Variants in SLC45A4 observed in about 807,000 individuals in gnomAD.
SLC45A4 encodes polyamine-transporter SLC45A4.
SLC45A4 carries 32 observed loss-of-function variants against 63.7 expected under a neutral mutation model. The ratio of observed to expected loss-of-function variants is 0.50; its 90% confidence interval spans 0.38 to 0.67. The LOEUF is 0.67. SLC45A4 is among the 30% of genes least tolerant of loss of function. The probability of loss-of-function intolerance (pLI) is 0.00; values close to 1 mark genes in which losing one functional copy is unlikely to be tolerated. For missense variants in SLC45A4, 1,027 were observed against 1,157.7 expected, an observed-to-expected ratio of 0.89 and a Z score of 1.64; for synonymous variants, 535 against 510.0, an observed-to-expected ratio of 1.05 and a Z score of -0.66.
At chr8:141,265,228 G>A (rs895787951) in intron 1 of SLC45A4, among the ~76,000 whole-genome samples, 31 of 152,212 alleles carry the variant, frequency 2.0e-4, no homozygotes, top group African/African-American at 7.5e-4. Context: ...CACAGCCCTT[G>A]CTGGGACTGG....
intron 5 of SLC45A4, 110 bp downstream of exon 5, chr8:141,217,901 C>T: frequency 7.5e-7 from 1 of 1,338,872 alleles, no homozygotes; most frequent in Non-Finnish European, 1.0e-6. Flanking sequence ...GTGTGGCCTC[C>T]CTGACACGCG....
In SLC45A4 at chr8:141,210,618, T is replaced by C. The variant is rs1825753316; in HGVS notation, c.*954A>G. ...GTCGTTCCTTTAAATACACAGAAAATTCAAGTAATTTATTTAAAAACTGCT... is the reference window on the plus strand; with the variant it reads ...GTCGTTCCTTTAAATACACAGAAAACTCAAGTAATTTATTTAAAAACTGCT... On this transcript the variant is annotated 3_prime_UTR_variant, in exon 9 of 9. Transcript: ENST00000517878. 1 of 152,140 alleles carries C rather than the reference T, an allele frequency of 6.6e-6. No individual in the cohort carries two copies. The highest frequency in any genetic ancestry group is 2.1e-4 in the South Asian group (1 of 4,832). 9.4% of individuals were successfully genotyped at this position (152,140 alleles called of 1,614,324 possible).
chr8:141,285,532 A>G (rs1041751153), intron 1 of SLC45A4, among the ~76,000 whole-genome samples: 8 of 152,312 alleles, frequency 5.3e-5, no homozygotes, highest in African/African-American at 1.9e-4. Flanking sequence ...ACCGCACACG[A>G]GCAGTCAGCC....
intron 7 of SLC45A4, among the ~76,000 whole-genome samples, chr8:141,213,455 G>A (rs1374699910): frequency 6.6e-6 from 1 of 152,252 alleles, no homozygotes; most frequent in Non-Finnish European, 1.5e-5. Flanking sequence ...CCAAATGTCA[G>A]AAATTCATCA....
intron 7 of SLC45A4, among the ~76,000 whole-genome samples, chr8:141,213,460 T>G (rs1825957975): frequency 6.6e-6 from 1 of 152,262 alleles, no homozygotes; most frequent in Non-Finnish European, 1.5e-5. Flanking sequence ...TGTCAGAAAT[T>G]CATCAGTGTC....
At chr8:141,253,966 G>C in intron 2 of SLC45A4, 23 bp downstream of exon 2, 1 of 1,535,372 alleles carries the variant, frequency 6.5e-7, no homozygotes, top group African/African-American at 1.4e-5. Context: ...CGTTCACTGC[G>C]CACAGACGGG....
rs1589746909 is a variant in SLC45A4, at chr8:141,208,133, AG to A, written c.*3438del. On this transcript the variant is annotated 3_prime_UTR_variant, in exon 9 of 9. Coordinates refer to ENST00000517878, the MANE Select transcript of SLC45A4 (RefSeq NM_001286646.2). Reference sequence around the variant, plus strand: ...TTAAGAAGCGAAACAGCGTGGGAAAAGGTGTCCATCTTTTCTGAAGCCGGTT... The same window carrying A: ...TTAAGAAGCGAAACAGCGTGGGAAAAGTGTCCATCTTTTCTGAAGCCGGTT... 1 of 152,260 alleles carries A rather than the reference AG, an allele frequency of 6.6e-6. No individual in the cohort carries two copies. The highest frequency in any genetic ancestry group is 1.5e-5 in the Non-Finnish European group (1 of 68,048). The allele number at this position is 152,260 out of a possible 1,614,324, so 9.4% of individuals were successfully genotyped here. A position where few individuals can be genotyped will look rare whatever the true frequency, so the allele number is the denominator to read the frequency against.
chr8:141,265,352 G>A (rs1829223888), intron 1 of SLC45A4, among the ~76,000 whole-genome samples: 1 of 152,184 alleles, frequency 6.6e-6, no homozygotes, highest in African/African-American at 2.4e-5. Flanking sequence ...CACAAGAAAT[G>A]AAAGGAAAGC....
intron 2 of SLC45A4, chr8:141,228,079 G>A: frequency 7.1e-7 from 1 of 1,417,696 alleles, no homozygotes; most frequent in Non-Finnish European, 9.9e-7. Context: ...AGAGCTGTGT[G>A]GAGTGGAGCT....
At chr8:141,228,627 TC>T in intron 2 of SLC45A4, 1 of 1,081,172 alleles carries the variant, frequency 9.2e-7, no homozygotes, top group Admixed American at 4.7e-5. Flanking sequence ...CAAGCAAACA[TC>T]TTTGTGATGA....
intron 1 of SLC45A4, among the ~76,000 whole-genome samples, chr8:141,271,588 T>C (rs980920036): frequency 2.0e-5 from 3 of 152,214 alleles, no homozygotes; most frequent in Non-Finnish European, 4.4e-5. Context: ...ATCCCCCTCC[T>C]GATCCCCTTC....
chr8:141,228,057 A>G, intron 2 of SLC45A4: 2 of 1,203,800 alleles, frequency 1.7e-6, no homozygotes, highest in Non-Finnish European at 2.4e-6. Context: ...GGTGAGGCAG[A>G]GCCCTGAGGG....
chr8:141,279,197 G>A (rs1015061800), intron 1 of SLC45A4, among the ~76,000 whole-genome samples: 4 of 152,232 alleles, frequency 2.6e-5, no homozygotes, highest in Non-Finnish European at 5.9e-5. Context: ...CTGTGGCCTC[G>A]GGGCCCTGGC....
chr8:141,221,685 C>T lies in SLC45A4; in HGVS notation c.322G>A (p.Ala108Thr), dbSNP rs1411913146. 1 of 1,614,160 alleles carries T rather than the reference C, an allele frequency of 6.2e-7. No individual in the cohort carries two copies. Among genetic ancestry groups the T allele is most frequent in the African/African-American group, 1.3e-5 (1 of 75,078 alleles). Reference protein sequence around the residue: ...GLIFTPLIGSASDRCTLSWGR... With the variant: ...GLIFTPLIGSTSDRCTLSWGR... ...CAGCTCAGGGTGCACCGGTCACTCG[C>T]AGACCCAATGAGAGGTGTGAAGATG... Residue 108 changes from alanine (A) to threonine (T), a missense_variant, in exon 3 of 9, where the codon GCG (alanine) becomes ACG (threonine). Physicochemically the swap from Ala to Thr is moderately conservative, Grantham distance 58. Transcript: ENST00000517878.
Position 141,215,777 on chromosome 8 carries a change from C to G in SLC45A4, c.1923G>C (p.Gln641His). The change falls in exon 7 of 9, where the codon CAG becomes CAC. Residue 641 changes from glutamine (Q) to histidine (H), a missense_variant. Transcript: ENST00000517878. This position sits in a 1 kb window ranked among gnomAD's most constrained non-coding sequence, Gnocchi z 4.3. ...ISYCPYALLG[Q>H]YHDIKQYIHH... ...GACGCACCTGCTTGATGTCATGGTA[C>G]TGGCCCAGCAGGGCGTACGGGCAGT... 6.2e-7 allele frequency: 1 copy of G among 1,613,656 alleles called. No homozygotes were observed. The highest frequency in any genetic ancestry group is 8.5e-7 in the Non-Finnish European group (1 of 1,179,994).
In SLC45A4 at chr8:141,298,248, A is replaced by G. The variant is rs962187974; in HGVS notation, c.-401+9848T>C. The stretch of plus-strand genomic sequence containing the variant: ...TTTCACTACTTTTAGGCATGTCTCA[A>G]AACAACCACAGTAAGAAGTTTTTAA... On this transcript the variant is annotated intron_variant, in intron 1 of 8. Transcript: ENST00000517878. 3.3e-5 allele frequency among the ~76,000 whole-genome samples: 5 copies of G among 152,258 alleles called. No individual in the cohort carries two copies. In the South Asian group the frequency reaches 6.2e-4, roughly 19 times the overall value.
intron 1 of SLC45A4, among the ~76,000 whole-genome samples, chr8:141,264,888 G>C (rs1378285661): frequency 6.6e-6 from 1 of 152,176 alleles, no homozygotes; most frequent in Non-Finnish European, 1.5e-5. Context: ...CAGTGAGAAG[G>C]TACTACCCAG....
intron 1 of SLC45A4, among the ~76,000 whole-genome samples, chr8:141,264,853 T>C (rs1829194258): frequency 6.6e-6 from 1 of 152,234 alleles, no homozygotes; most frequent in Non-Finnish European, 1.5e-5. Flanking sequence ...AAGTGTTGTT[T>C]ATGAAGTCAG....
chr8:141,227,234 A>ACGGG lies in SLC45A4; in HGVS notation c.242-5473_242-5470dup, dbSNP rs1827060873. On this transcript the variant is annotated intron_variant, in intron 2 of 8. Transcript: ENST00000517878. This position sits in a 1 kb window ranked among gnomAD's most constrained non-coding sequence, Gnocchi z 4.4. Reference sequence around the variant, plus strand: ...GCTCGGCCGCAGGCTGTGTGAGGTCACGGGCGACGCTCGGGTCACGTGTGG... The same window carrying ACGGG: ...GCTCGGCCGCAGGCTGTGTGAGGTCACGGGCGGGCGACGCTCGGGTCACGTGTGG... 6.6e-6 allele frequency among the ~76,000 whole-genome samples: 1 copy of ACGGG among 152,094 alleles called. No homozygotes were observed. The highest frequency in any genetic ancestry group is 6.5e-5 in the Admixed American group (1 of 15,276).
Sources: allele counts gnomAD v4.1 joint callset (sites outside exome capture counted in the v4.1 genomes callset), GRCh38; gene constraint gnomAD v4.1.1; non-coding constraint Gnocchi (gnomAD v3.1); transcripts MANE v1.5; gene names NCBI Gene and HGNC (gene_info 2026-07-23, HGNC 2026-07-21).